Variants in LMO1 observed in about 807,000 individuals in gnomAD.
LMO1 encodes LIM domain only 1.
A neutral mutation model predicts 18.0 loss-of-function variants in LMO1; 10 were observed. The observed-to-expected ratio is 0.55, with a 90% CI of 0.34 to 0.94. LMO1 has a LOEUF of 0.94. Ranked by LOEUF, LMO1 falls within the 40% of genes least tolerant of loss-of-function variation. LMO1 has a pLI of 0.02. For synonymous variants in LMO1, 77 were observed against 77.9 expected, an observed-to-expected ratio of 0.99 and a Z score of 0.06; for missense variants, 183 against 205.7, an observed-to-expected ratio of 0.89 and a Z score of 0.68.
chr11:8,231,275 C>T (rs1952652850), intron 1 of LMO1, among the ~76,000 whole-genome samples: 1 of 152,234 alleles, frequency 6.6e-6, no homozygotes, highest in Non-Finnish European at 1.5e-5. Context: ...CCAACATACA[C>T]ACAGGCACCA....
At position 8,263,397 on chromosome 11, in the gene LMO1, G is replaced by A. The variant is rs765082908; in HGVS notation, c.-35C>T. On this transcript the variant is annotated 5_prime_UTR_variant, in exon 1 of 4. Coordinates refer to ENST00000335790, the MANE Select transcript of LMO1 (RefSeq NM_002315.3). The stretch of plus-strand genomic sequence containing the variant: ...TCCGTGTCCAGCCGCAGCTAGGCTC[G>A]GCCGGGAGAAGGGCGCCGACTCGGG... 1.9e-6 allele frequency: 3 copies of A among 1,597,474 alleles called. No individual in the cohort carries two copies. The highest frequency in any genetic ancestry group is 4.6e-5 in the East Asian group (2 of 43,862).
Position 8,226,997 on chromosome 11 carries a change from C to T in LMO1, c.343G>A (p.Ala115Thr), listed in dbSNP as rs201874026. Residue 115 changes from alanine (A) to threonine (T), a missense_variant, in exon 3 of 4, where the codon GCC becomes ACC. Transcript: ENST00000335790. ...RDNVYHLDCF[A>T]CQLCNQRFCV... ...GACCTCTGGTTGCAGAGCTGGCAGG[C>T]GAAGCAGTCGAGGTGATACACGTTG... 8.1e-6 allele frequency: 13 copies of T among 1,611,840 alleles called. No individual in the cohort carries two copies. Among genetic ancestry groups the T allele is most frequent in the Admixed American group, 3.3e-5 (2 of 59,844 alleles).
chr11:8,244,416 C>T (rs2134556207), intron 1 of LMO1, among the ~76,000 whole-genome samples: 1 of 152,364 alleles, frequency 6.6e-6, no homozygotes, highest in Non-Finnish European at 1.5e-5. Context: ...TCAATTTGTT[C>T]ACGATAGAGC....
At chr11:8,249,160 G>C (rs1565184464) in intron 1 of LMO1, among the ~76,000 whole-genome samples, 1 of 152,166 alleles carries the variant, frequency 6.6e-6, no homozygotes, top group Non-Finnish European at 1.5e-5. Flanking sequence ...CAAGGCCACA[G>C]CTTCAGCACA....
At chr11:8,268,693 C>G, upstream of LMO1, 1 of 272,010 alleles carries the variant, frequency 3.7e-6, no homozygotes, top group Non-Finnish European at 6.9e-6. Context: ...TCGCGGGAGC[C>G]TCGCGAGCAG....
chr11:8,243,595 GCATTATC>G (rs1260459535), intron 1 of LMO1, among the ~76,000 whole-genome samples: 1 of 152,224 alleles, frequency 6.6e-6, no homozygotes. Flanking sequence ...GCCGCAGGCT[GCATTATC>G]CAGAGCACAG....
intron 1 of LMO1, among the ~76,000 whole-genome samples, chr11:8,249,973 T>G (rs769716394): frequency 2.6e-4 from 39 of 152,246 alleles, no homozygotes; most frequent in Non-Finnish European, 5.0e-4. Flanking sequence ...TTAATGAGCT[T>G]CATTAAGTCA....
chr11:8,227,069 A>G lies in LMO1; in HGVS notation c.271T>C (p.Cys91Arg). Residue 91 changes from cysteine to arginine, a missense_variant, in exon 3 of 4, where the codon TGC (cysteine) becomes CGC (arginine). By Grantham distance (180) the Cys-to-Arg change is radical (BLOSUM62 -3). Coordinates refer to ENST00000335790, the MANE Select transcript of LMO1 (RefSeq NM_002315.3). ...LFGTTGNCAA[C>R]SKLIPAFEMV... ...TCGAAGGCTGGGATCAGCTTGCTGCAAGCAGCACAGTTCCCTGTGGTGCCA... is the reference window on the plus strand; with the variant it reads ...TCGAAGGCTGGGATCAGCTTGCTGCGAGCAGCACAGTTCCCTGTGGTGCCA... 1 of 1,613,916 alleles carries G rather than the reference A, an allele frequency of 6.2e-7. No individual in the cohort carries two copies. The highest frequency in any genetic ancestry group is 8.5e-7 in the Non-Finnish European group (1 of 1,179,866).
upstream of LMO1, among the ~76,000 whole-genome samples, chr11:8,266,060 G>A (rs1002466543): frequency 2.6e-5 from 4 of 152,186 alleles, no homozygotes; most frequent in Non-Finnish European, 5.9e-5. Context: ...CCAAACCCAG[G>A]GACTGGAGCA....
chr11:8,225,496 C>T (rs994755349), intron 3 of LMO1, among the ~76,000 whole-genome samples: 10 of 151,686 alleles, frequency 6.6e-5, no homozygotes, highest in Non-Finnish European at 1.2e-4. Context: ...ATCCCTCTCC[C>T]CAATTTAAGA....
At chr11:8,243,223 A>G (rs1458643701) in intron 1 of LMO1, among the ~76,000 whole-genome samples, 1 of 151,328 alleles carries the variant, frequency 6.6e-6, no homozygotes, top group Non-Finnish European at 1.5e-5. Context: ...CCTTCTTTGC[A>G]GACCTGGATA....
At chr11:8,244,166 C>T (rs1846847960) in intron 1 of LMO1, among the ~76,000 whole-genome samples, 1 of 150,824 alleles carries the variant, frequency 6.6e-6, no homozygotes, top group African/African-American at 2.5e-5. Flanking sequence ...GAATAAGGAG[C>T]ACCGGGAAAG....
rs1021565710 is a variant in LMO1, at chr11:8,224,501, A to G, written c.*115T>C. The stretch of plus-strand genomic sequence containing the variant: ...CTCCCATCGAGGACGGAGAAGTTCT[A>G]ATGTGGCAGGAGAGCGGCTGGCCAG... On this transcript the variant is annotated 3_prime_UTR_variant, in exon 4 of 4. Coordinates refer to ENST00000335790, the MANE Select transcript of LMO1 (RefSeq NM_002315.3). 18 of 661,440 alleles carry G rather than the reference A, an allele frequency of 2.7e-5. No homozygotes were observed. The African/African-American group carries it at 3.3e-4, about 12-fold the overall frequency. 41.0% of individuals were successfully genotyped at this position (661,440 alleles called of 1,614,324 possible).
intron 1 of LMO1, among the ~76,000 whole-genome samples, chr11:8,255,521 G>T (rs1015099351): frequency 2.0e-5 from 3 of 152,134 alleles, no homozygotes; most frequent in African/African-American, 7.2e-5. Context: ...AGGCTTTTGT[G>T]CTTCCACACC....
intron 3 of LMO1, chr11:8,226,741 G>T: frequency 1.6e-6 from 1 of 638,366 alleles, no homozygotes; most frequent in Non-Finnish European, 2.4e-6. Flanking sequence ...TATTCACACA[G>T]AAATGTGCCA....
chr11:8,225,089 A>G (rs1952510875), intron 3 of LMO1, among the ~76,000 whole-genome samples: 2 of 152,164 alleles, frequency 1.3e-5, no homozygotes, highest in South Asian at 4.2e-4. Flanking sequence ...GCACAAACAG[A>G]AAAAGACCAA....
intron 1 of LMO1, among the ~76,000 whole-genome samples, chr11:8,255,644 G>A (rs61879707): frequency 1.3e-5 from 2 of 152,162 alleles, no homozygotes; most frequent in African/African-American, 2.4e-5. Flanking sequence ...CCATCCTCCA[G>A]ATGTGAGTGA....
At chr11:8,259,789 G>T (rs1847155852) in intron 1 of LMO1, among the ~76,000 whole-genome samples, 1 of 152,238 alleles carries the variant, frequency 6.6e-6, no homozygotes, top group East Asian at 1.9e-4. Context: ...CCCAAGCATA[G>T]CCATGCGCCG....
intron 1 of LMO1, among the ~76,000 whole-genome samples, chr11:8,251,020 G>A (rs1846982650): frequency 6.6e-6 from 1 of 152,148 alleles, no homozygotes. Flanking sequence ...GGAGGGCTAA[G>A]GGCAACAGAT....
Sources: gnomAD v4.1 joint callset for allele counts (sites outside exome capture counted in the v4.1 genomes callset) on GRCh38, gnomAD v4.1.1 for gene constraint, MANE v1.5 for transcripts, NCBI Gene and HGNC (gene_info 2026-07-23, HGNC 2026-07-21) for gene names.